The following COLGALT2 variants were observed in gnomAD, a reference collection of about 807,000 sequenced individuals.
The protein encoded by COLGALT2 is collagen beta(1-O)galactosyltransferase 2, also known as procollagen galactosyltransferase 2.
In COLGALT2, 49 loss-of-function variants were observed where a neutral mutation model predicts 73.4. The observed-to-expected ratio is 0.67, with a 90% CI of 0.53 to 0.85. COLGALT2 has a LOEUF of 0.85. Among genes scored for constraint, COLGALT2 ranks in the 40% least tolerant of loss-of-function variants. The pLI is 0.00. For missense variants in COLGALT2, 722 were observed against 790.2 expected, an observed-to-expected ratio of 0.91 and a Z score of 1.03; for synonymous variants, 295 against 307.6, an observed-to-expected ratio of 0.96 and a Z score of 0.43.
rs533817956 is a variant in COLGALT2 at position 184,013,228 on chromosome 1, T to C, written c.263+23867A>G. On this transcript the variant is annotated intron_variant, in intron 1 of 11. Coordinates refer to ENST00000361927, the MANE Select transcript of COLGALT2 (RefSeq NM_015101.4). ...TACTCAGGAGGCTGACGCAGGAGAA[T>C]TACTTGAACCTGGTAGACAGAGATT... 1.6e-4 allele frequency among the ~76,000 whole-genome samples: 24 copies of C among 152,272 alleles called. No individual in the cohort carries two copies. In the South Asian group the frequency reaches 4.8e-3, roughly 30 times the overall value.
intron 2 of COLGALT2, among the ~76,000 whole-genome samples, chr1:183,975,503 C>A (rs572246788): frequency 7.9e-5 from 12 of 152,118 alleles, no homozygotes; most frequent in South Asian, 2.1e-4. Context: ...GTGAGGATAT[C>A]AGGGTAGAGC....
Position 183,969,408 on chromosome 1 carries a change from G to A in COLGALT2, c.693C>T (p.Pro231=), listed in dbSNP as rs778616662. Residue 231 remains proline (P), a synonymous_variant, in exon 5 of 12, where the codon CCC becomes CCT. Transcript: ENST00000361927. Reference sequence around the variant, plus strand: ...GGAAGGTGGAGTGGACCATGGGGACGGGGAAGCAGCCTGTCCTCTTCCATT... The same window carrying A: ...GGAAGGTGGAGTGGACCATGGGGACAGGGAAGCAGCCTGTCCTCTTCCATT... ...IREWKRTGCF[P]VPMVHSTFLI... The A allele has an allele frequency of 2.6e-5, 42 of 1,613,694 alleles. No homozygotes were observed. The highest frequency in any genetic ancestry group is 1.5e-4 in the Admixed American group (9 of 59,970).
At chr1:183,960,746 G>A (rs180904939) in intron 6 of COLGALT2, among the ~76,000 whole-genome samples, 3 of 152,170 alleles carry the variant, frequency 2.0e-5, no homozygotes, top group East Asian at 3.9e-4. Flanking sequence ...TTCTTAAAAC[G>A]CTATGTGATT....
intron 5 of COLGALT2, 131 bp from the exon 6 acceptor site, chr1:183,964,151 T>C (rs1572642492): frequency 9.9e-7 from 1 of 1,013,816 alleles, no homozygotes; most frequent in Non-Finnish European, 1.4e-6. Context: ...TTGTTTCAGG[T>C]ATGTCTATAG....
intron 1 of COLGALT2, among the ~76,000 whole-genome samples, chr1:184,002,966 G>T (rs990774602): frequency 1.3e-5 from 2 of 151,868 alleles, no homozygotes; most frequent in Non-Finnish European, 2.9e-5. Context: ...ACTAAATAAA[G>T]ATATAATAAA....
At chr1:183,989,320 G>C (rs1671571068) in intron 1 of COLGALT2, among the ~76,000 whole-genome samples, 2 of 152,198 alleles carry the variant, frequency 1.3e-5, no homozygotes, top group African/African-American at 4.8e-5. Flanking sequence ...GGGATGTCCA[G>C]CACTGCCTCA....
intron 10 of COLGALT2, among the ~76,000 whole-genome samples, chr1:183,943,554 C>T (rs2986546): frequency 0.74 from 112,108 of 151,952 alleles, 41,528 homozygotes; most frequent in South Asian, 0.79. Flanking sequence ...AAGAAAAAAG[C>T]AGAAGCCACT....
intron 10 of COLGALT2, among the ~76,000 whole-genome samples, chr1:183,941,595 T>TAA (rs1670111813): frequency 6.6e-6 from 1 of 152,220 alleles, no homozygotes; most frequent in Non-Finnish European, 1.5e-5. Context: ...GCCTGCCAGG[T>TAA]AAAGCAGTAC....
chr1:183,981,944 CAT>C (rs1338992706), intron 1 of COLGALT2, among the ~76,000 whole-genome samples: 1 of 152,002 alleles, frequency 6.6e-6, no homozygotes, highest in Non-Finnish European at 1.5e-5. Context: ...AAAAATGGGA[CAT>C]AGAGGTATGT....
Position 184,037,449 on chromosome 1 carries a change from C to A in COLGALT2, c.-92G>T. On this transcript the variant is annotated 5_prime_UTR_variant, in exon 1 of 12. Transcript: ENST00000361927. ...GCGGCGGCTGCCGGGGAGCAAGGGG[C>A]TGCGAGGGGCGGCCGGGGGATGCGG... The A allele has an allele frequency of 2.5e-6, 3 of 1,222,340 alleles. No homozygotes were observed. The highest frequency in any genetic ancestry group is 3.1e-6 in the Non-Finnish European group (3 of 983,584). The allele number at this position is 1,222,340 out of a possible 1,614,324, so 75.7% of individuals were successfully genotyped here.
chr1:183,954,483 C>A (rs1397959608), intron 7 of COLGALT2, among the ~76,000 whole-genome samples: 1 of 152,216 alleles, frequency 6.6e-6, no homozygotes, highest in Non-Finnish European at 1.5e-5. Flanking sequence ...AAAAATATCA[C>A]AATATCTGCT....
chr1:183,940,107 G>A (rs1670067129), intron 11 of COLGALT2, among the ~76,000 whole-genome samples: 1 of 152,168 alleles, frequency 6.6e-6, no homozygotes, highest in African/African-American at 2.4e-5. Context: ...ACACCCCTGC[G>A]ATTGCAGGAA....
At chr1:183,981,456 CA>C (rs1369709490) in intron 1 of COLGALT2, among the ~76,000 whole-genome samples, 1 of 151,384 alleles carries the variant, frequency 6.6e-6, no homozygotes, top group African/African-American at 2.4e-5. Flanking sequence ...AGTTTGAGAC[CA>C]GCCTGATCTA....
At chr1:183,944,946 C>T (rs948947670) in intron 9 of COLGALT2, among the ~76,000 whole-genome samples, 2 of 152,140 alleles carry the variant, frequency 1.3e-5, no homozygotes, top group Non-Finnish European at 2.9e-5. Context: ...TTATCAGGAA[C>T]CCCACACACC....
At chr1:183,999,331 T>G (rs550938750) in intron 1 of COLGALT2, among the ~76,000 whole-genome samples, 1 of 152,254 alleles carries the variant, frequency 6.6e-6, no homozygotes, top group African/African-American at 2.4e-5. Context: ...ATGCAGTATC[T>G]TTTTGCTATG....
At position 183,951,089 on chromosome 1, in the gene COLGALT2, T is replaced by G. The variant is rs1428265433; in HGVS notation, c.1054A>C (p.Arg352=). ...AGCATCCGGTCCCGCCTGTCCTTTC[T>G]GCGTTTGAGGTTTATCATGAAAATC... ...DEIFMINLKR[R]KDRRDRMLRT... is the part of the protein sequence containing the mutation. Residue 352 remains arginine (R), a synonymous_variant, in exon 8 of 12, where the codon AGA becomes CGA. Coordinates refer to ENST00000361927, the MANE Select transcript of COLGALT2 (RefSeq NM_015101.4). 6.2e-7 allele frequency: 1 copy of G among 1,613,586 alleles called. No individual in the cohort carries two copies. The highest frequency in any genetic ancestry group is 8.5e-7 in the Non-Finnish European group (1 of 1,179,656).
intron 1 of COLGALT2, among the ~76,000 whole-genome samples, chr1:184,006,723 C>A (rs1206806857): frequency 6.6e-6 from 1 of 151,844 alleles, no homozygotes; most frequent in East Asian, 1.9e-4. Context: ...CTAGGAATAC[C>A]CAGGCCTGAT....
intron 1 of COLGALT2, among the ~76,000 whole-genome samples, chr1:184,024,655 C>CATT (rs1553325566): frequency 4.7e-5 from 6 of 128,300 alleles, no homozygotes; most frequent in Non-Finnish European, 4.9e-5. Context: ...CCAGCCTCAG[C>CATT]TTTTTTTTTT....
At chr1:183,974,639 A>G (rs775193969) in intron 3 of COLGALT2, among the ~76,000 whole-genome samples, 1 of 152,236 alleles carries the variant, frequency 6.6e-6, no homozygotes, top group Non-Finnish European at 1.5e-5. Context: ...CAAAGAGAGC[A>G]TCACTGTGCC....
Sources: allele counts gnomAD v4.1 joint callset (sites outside exome capture counted in the v4.1 genomes callset), GRCh38; gene constraint gnomAD v4.1.1; transcripts MANE v1.5; gene names NCBI Gene and HGNC (gene_info 2026-07-23, HGNC 2026-07-21).